GLI3: variants seen among roughly 807,000 people sequenced by gnomAD.
The protein encoded by GLI3 is transcription activator GLI3.
In GLI3, 20 loss-of-function variants were observed where a neutral mutation model predicts 100.8. The observed-to-expected ratio is 0.20, with a 90% CI of 0.14 to 0.29. The LOEUF (loss-of-function observed/expected upper bound fraction) is 0.29, where lower values mean the gene tolerates loss of function less well. GLI3 is among the 10% of genes least tolerant of loss of function. The pLI is 1.00. For missense variants in GLI3, 2,040 were observed against 2,128.5 expected (o/e 0.96, Z 0.82); for synonymous variants, 938 against 860.5 (o/e 1.09, Z -1.58).
chr7:42,159,910 A>AT (rs1787093165), intron 2 of GLI3, among the ~76,000 whole-genome samples: 1 of 152,176 alleles, frequency 6.6e-6, no homozygotes, highest in African/African-American at 2.4e-5. Context: ...TTTTCAATTT[A>AT]TTTTTTAATG....
intron 3 of GLI3, among the ~76,000 whole-genome samples, chr7:42,097,235 T>A (rs1785359670): frequency 1.3e-5 from 2 of 152,220 alleles, no homozygotes; most frequent in South Asian, 4.1e-4. Flanking sequence ...TTGATCAAAA[T>A]ATTTGTATTA....
In GLI3 at chr7:42,152,072, T is replaced by A. The variant is rs184626748; in HGVS notation, c.125-3604A>T. ...GTAACCGAGGGAACAGGTTTCGGGT[T>A]TTTTTGTTTTGTTTTGTTTTGTTTT... On this transcript the variant is annotated intron_variant, in intron 2 of 14. Coordinates refer to ENST00000395925, the MANE Select transcript of GLI3 (RefSeq NM_000168.6). 9.0e-3 allele frequency: 1,372 copies of A among 152,312 alleles called. 11 individuals carry two copies. The highest frequency in any genetic ancestry group is 0.048 in the Middle Eastern group (14 of 292). The allele number at this position is 152,312 out of a possible 1,614,324, so 9.4% of individuals were successfully genotyped here.
At chr7:42,107,702 G>T (rs574591947) in intron 3 of GLI3, among the ~76,000 whole-genome samples, 1 of 152,188 alleles carries the variant, frequency 6.6e-6, no homozygotes. Context: ...GAGGAACAGT[G>T]ACAAGGCCAG....
At position 42,222,800 on chromosome 7, in the gene GLI3, A is replaced by T. The variant is rs1437743339; in HGVS notation, c.124+330T>A. On this transcript the variant is annotated intron_variant, in intron 2 of 14. Coordinates refer to ENST00000395925, the MANE Select transcript of GLI3 (RefSeq NM_000168.6). ...CTAATTATTCCGAGTAGTGTAGATG[A>T]TCCATATGCAACACAAAGCATTTTG... is the stretch of plus-strand genomic sequence containing the variant. The T allele has an allele frequency of 1.5e-5, 5 of 325,108 alleles. No homozygotes were observed. In the East Asian group the frequency reaches 3.7e-4, roughly 24 times the overall value. The allele number at this position is 325,108 out of a possible 1,614,324, so 20.1% of individuals were successfully genotyped here.
chr7:41,987,089 G>GACAC (rs1452930347), intron 10 of GLI3, among the ~76,000 whole-genome samples: 24 of 76,100 alleles, frequency 3.2e-4, no homozygotes, highest in African/African-American at 1.2e-3. Flanking sequence ...AACATACACA[G>GACAC]ACACAGACAC....
At chr7:42,252,420 C>T (rs1415485242) in intron 1 of GLI3, among the ~76,000 whole-genome samples, 2 of 152,054 alleles carry the variant, frequency 1.3e-5, no homozygotes, top group Middle Eastern at 3.2e-3. Flanking sequence ...ATCTGTACAC[C>T]AAACCCCATG....
At chr7:42,141,056 C>T (rs1437412335) in intron 3 of GLI3, among the ~76,000 whole-genome samples, 1 of 152,194 alleles carries the variant, frequency 6.6e-6, no homozygotes, top group Admixed American at 6.5e-5. Context: ...CTTTAAGCAA[C>T]TGGATTCATG....
Position 42,224,904 on chromosome 7 carries a change from G to A in GLI3, c.-42-1609C>T, listed in dbSNP as rs182208427. Among the ~76,000 whole-genome samples the A allele has an allele frequency of 6.1e-3, 934 of 152,276 alleles. 9 individuals carry two copies. Among genetic ancestry groups the A allele is most frequent in the African/African-American group, 0.021 (874 of 41,550 alleles). On this transcript the variant is annotated intron_variant, in intron 1 of 14. Transcript: ENST00000395925. The stretch of plus-strand genomic sequence containing the variant: ...GTGAGATCTGACCTTTACTTTGGGC[G>A]GGAGGAAGTAACATCTTAAGAAGGT...
At chr7:42,128,639 G>T (rs1786193916) in intron 3 of GLI3, among the ~76,000 whole-genome samples, 1 of 151,998 alleles carries the variant, frequency 6.6e-6, no homozygotes, top group Non-Finnish European at 1.5e-5. Flanking sequence ...TTATAAAGAA[G>T]GATTCAGCAG....
At chr7:42,079,527 C>T (rs1448971208) in intron 3 of GLI3, among the ~76,000 whole-genome samples, 1 of 152,198 alleles carries the variant, frequency 6.6e-6, no homozygotes, top group Non-Finnish European at 1.5e-5. Context: ...AACACGCATG[C>T]CCCCTGCAGA....
intron 14 of GLI3, among the ~76,000 whole-genome samples, chr7:41,967,014 C>T (rs563384255): frequency 6.6e-6 from 1 of 152,348 alleles, no homozygotes; most frequent in African/African-American, 2.4e-5. Context: ...TGGTACACAA[C>T]GCTTGAGTTC....
intron 4 of GLI3, among the ~76,000 whole-genome samples, chr7:42,075,756 T>A (rs1428812602): frequency 6.6e-6 from 1 of 152,226 alleles, no homozygotes; most frequent in African/African-American, 2.4e-5. Flanking sequence ...CAAAAAACTG[T>A]TGGTAAAATA....
At chr7:42,208,674 C>A (rs944438919) in intron 2 of GLI3, among the ~76,000 whole-genome samples, 1 of 152,118 alleles carries the variant, frequency 6.6e-6, no homozygotes, top group African/African-American at 2.4e-5. Flanking sequence ...TGCAAAAGCT[C>A]TAAGTGAAGC....
Position 41,964,473 on chromosome 7 carries a change from T to C in GLI3, c.4600A>G (p.Ser1534Gly). The C allele has an allele frequency of 3.7e-6, 6 of 1,614,100 alleles. No individual in the cohort carries two copies. The highest frequency in any genetic ancestry group is 5.1e-6 in the Non-Finnish European group (6 of 1,179,986). ...SPSIIQNLSH[S>G]SSRLTTPRAS... ...CGAGGCGTGGTGAGGCGGGAGGAGC[T>C]ATGGGAAAGGTTCTGAATGATACTT... Residue 1534 changes from serine (S) to glycine (G), a missense_variant, in exon 15 of 15, where the codon AGC becomes GGC. Physicochemically the swap from Ser to Gly is moderately conservative, Grantham distance 56 (BLOSUM62 0). Coordinates refer to ENST00000395925, the MANE Select transcript of GLI3 (RefSeq NM_000168.6).
intron 4 of GLI3, among the ~76,000 whole-genome samples, chr7:42,069,688 T>G (rs1784747971): frequency 6.6e-6 from 1 of 152,028 alleles, no homozygotes; most frequent in African/African-American, 2.4e-5. Flanking sequence ...AGAGGGGGTG[T>G]TATTTTAGAC....
chr7:42,235,287 T>G (rs1788768221), intron 1 of GLI3, among the ~76,000 whole-genome samples: 1 of 152,188 alleles, frequency 6.6e-6, no homozygotes, highest in Non-Finnish European at 1.5e-5. Flanking sequence ...TACTCAAAAT[T>G]AATACTTTAG....
intron 1 of GLI3, among the ~76,000 whole-genome samples, chr7:42,256,761 T>C (rs1009227698): frequency 1.3e-5 from 2 of 152,218 alleles, no homozygotes; most frequent in African/African-American, 4.8e-5. Flanking sequence ...TTGGCTACCC[T>C]AGATCTTTTG....
At chr7:42,207,650 T>C (rs1051174052) in intron 2 of GLI3, among the ~76,000 whole-genome samples, 2 of 152,174 alleles carry the variant, frequency 1.3e-5, no homozygotes, top group African/African-American at 4.8e-5. Context: ...AGGGGATTGA[T>C]TGAGTAAATT....
intron 2 of GLI3, among the ~76,000 whole-genome samples, chr7:42,182,494 G>A (rs1013885585): frequency 3.3e-5 from 5 of 150,336 alleles, no homozygotes; most frequent in Admixed American, 1.3e-4. Context: ...CCAAAGAGCC[G>A]AAGTTTCTCC....
Sources: gnomAD v4.1 joint callset for allele counts (sites outside exome capture counted in the v4.1 genomes callset) on GRCh38, gnomAD v4.1.1 for gene constraint, MANE v1.5 for transcripts, NCBI Gene and HGNC (gene_info 2026-07-23, HGNC 2026-07-21) for gene names.